Variants in CENPK observed in about 807,000 individuals in gnomAD.
CENPK encodes the protein SoxLZ/Sox6-binding protein Solt.
Under a neutral mutation model 40.9 loss-of-function variants are expected in CENPK, and 46 were observed. The observed-to-expected ratio is 1.13, with a 90% confidence interval of 0.89 to 1.44. CENPK has a LOEUF of 1.44. Ranked by LOEUF, CENPK falls within the 40% of genes most tolerant of loss-of-function variation. CENPK has a pLI of 0.00. For missense variants in CENPK, 288 were observed against 303.5 expected, an observed-to-expected ratio of 0.95 and a Z score of 0.38; for synonymous variants, 107 against 104.4, an observed-to-expected ratio of 1.02 and a Z score of -0.15.
chr5:65,550,775 A>G (rs893507819), intron 5 of CENPK: 2 of 152,334 alleles, frequency 1.3e-5, no homozygotes, highest in African/African-American at 4.8e-5. Flanking sequence ...TTAAAAAAAA[A>G]AGATGTACTA....
At chr5:65,544,065 T>C (rs1424689159) in intron 5 of CENPK, among the ~76,000 whole-genome samples, 1 of 152,224 alleles carries the variant, frequency 6.6e-6, no homozygotes, top group Non-Finnish European at 1.5e-5. Flanking sequence ...CAAAGGTATC[T>C]GCTATTCTAG....
chr5:65,546,835 G>A (rs1454803001), intron 5 of CENPK, among the ~76,000 whole-genome samples: 1 of 152,130 alleles, frequency 6.6e-6, no homozygotes, highest in Non-Finnish European at 1.5e-5. Context: ...GTATCTTCCA[G>A]AATTGTGAGA....
rs778744562 is a variant in CENPK at position 65,554,913 on chromosome 5, T to A, written c.-6A>T. ...TCTAGATCCTCCTGATTCATTGATATATGCTTTGTGAATTTTTAGCCTTAT... is the reference window on the plus strand; with the variant it reads ...TCTAGATCCTCCTGATTCATTGATAAATGCTTTGTGAATTTTTAGCCTTAT... On this transcript the variant is annotated 5_prime_UTR_variant, in exon 3 of 11. Coordinates refer to ENST00000396679, the MANE Select transcript of CENPK (RefSeq NM_022145.5). 3 of 1,503,072 alleles carry A rather than the reference T, an allele frequency of 2.0e-6. No individual in the cohort carries two copies. The highest frequency in any genetic ancestry group is 1.2e-5 in the South Asian group (1 of 86,548). 93.1% of individuals were successfully genotyped at this position (1,503,072 alleles called of 1,614,324 possible).
intron 4 of CENPK, 40 bp downstream of exon 4, chr5:65,552,453 C>A: frequency 1.5e-6 from 2 of 1,296,312 alleles, no homozygotes; most frequent in Non-Finnish European, 2.1e-6. Flanking sequence ...ACAATTAATT[C>A]CACTTACCTT....
rs141677844 is a variant in CENPK at position 65,555,990 on chromosome 5, G to A, written c.-39-1044C>T. Among the ~76,000 whole-genome samples, 228 of 152,260 alleles carry A rather than the reference G, an allele frequency of 1.5e-3. 1 individual carries two copies. The highest frequency in any genetic ancestry group is 2.9e-3 in the Non-Finnish European group (195 of 68,012). ...AGATAAGACTTACACACTACATAATGACATTTTGGTCAATCACAGACTGCA... is the reference window on the plus strand; with the variant it reads ...AGATAAGACTTACACACTACATAATAACATTTTGGTCAATCACAGACTGCA... On this transcript the variant is annotated intron_variant, in intron 2 of 10. Coordinates refer to ENST00000396679, the MANE Select transcript of CENPK (RefSeq NM_022145.5).
intron 2 of CENPK, among the ~76,000 whole-genome samples, chr5:65,558,165 C>A (rs1159972317): frequency 6.6e-6 from 1 of 151,752 alleles, no homozygotes; most frequent in Non-Finnish European, 1.5e-5. Context: ...CACACACACA[C>A]ATTTTTTTTT....
At chr5:65,544,252 A>T (rs958429248) in intron 5 of CENPK, among the ~76,000 whole-genome samples, 1 of 152,228 alleles carries the variant, frequency 6.6e-6, no homozygotes. Flanking sequence ...TTCAACCTCT[A>T]TAAGAAGCTC....
Position 65,551,625 on chromosome 5 carries a change from T to C in CENPK, c.180A>G (p.Leu60=). Residue 60 remains leucine, a synonymous_variant, in exon 5 of 11, where the codon TTA becomes TTG. Transcript: ENST00000396679. ...LTDSNAQLSL[L]IMQVKCLTAE... ...CGGTTAAACATTTTACTTGCATAAT[T>C]AACAATGATAGCTACAAAAGAAGAA... The C allele has an allele frequency of 1.3e-6, 2 of 1,562,320 alleles. No homozygotes were observed. The highest frequency in any genetic ancestry group is 1.7e-6 in the Non-Finnish European group (2 of 1,145,274).
At chr5:65,563,070 A>AT in intron 1 of CENPK, 28 bp downstream of exon 1, 1 of 435,936 alleles carries the variant, frequency 2.3e-6, no homozygotes, top group Middle Eastern at 6.6e-4. Context: ...TTCAACCGTT[A>AT]TATCAACCTC....
chr5:65,505,905 G>C, the CENPK span, among the ~76,000 whole-genome samples: 6 of 152,036 alleles, frequency 3.9e-5, no homozygotes, highest in African/African-American at 1.4e-4. Context: ...TTACCTCTTA[G>C]TCTTTCTGGG....
chr5:65,514,334 G>A (rs1196367830), downstream of CENPK, among the ~76,000 whole-genome samples: 1 of 135,024 alleles, frequency 7.4e-6, no homozygotes, highest in African/African-American at 2.8e-5. Flanking sequence ...TGCAGTCTCA[G>A]CTCACTGCAA....
chr5:65,561,542 T>C lies in CENPK; in HGVS notation c.-119A>G, dbSNP rs1445804221. On this transcript the variant is annotated 5_prime_UTR_variant, in exon 2 of 11. Coordinates refer to ENST00000396679, the MANE Select transcript of CENPK (RefSeq NM_022145.5). ...GAACCAGAAAATGATGGCACCCAGA[T>C]CTTGAATCTCCAGCCTCTAGACCTG... is the stretch of plus-strand genomic sequence containing the variant. 23 of 455,818 alleles carry C rather than the reference T, an allele frequency of 5.0e-5. No homozygotes were observed. In the Admixed American group the frequency reaches 5.4e-4, roughly 11 times the overall value. The allele number at this position is 455,818 out of a possible 1,614,324, so 28.2% of individuals were successfully genotyped here.
rs779363914 is a variant in CENPK, at chr5:65,542,804, CTT to C, written c.284_285del (p.Glu95GlyfsTer10). 8 of 1,607,770 alleles carry C rather than the reference CTT, an allele frequency of 5.0e-6. No individual in the cohort carries two copies. In the South Asian group the frequency reaches 8.9e-5, roughly 18 times the overall value. On this transcript the variant is annotated frameshift_variant, in exon 6 of 11. Transcript: ENST00000396679. LOFTEE classifies it high-confidence loss of function. ...TEDVLITLGK[E>X]EFQKLRQDLE... Reference sequence around the variant, plus strand: ...TACAAATTCATTGAGTGGCTTACCTCTTCTTTTCCTAATGTTATGAGAACGTC... The same window carrying C: ...TACAAATTCATTGAGTGGCTTACCTCCTTTTCCTAATGTTATGAGAACGTC...
At chr5:65,517,458 A>G (rs1299755804), downstream of CENPK, among the ~76,000 whole-genome samples, 2 of 152,126 alleles carry the variant, frequency 1.3e-5, no homozygotes, top group Non-Finnish European at 2.9e-5. Flanking sequence ...CTCCCCTAAA[A>G]GAGTTACGTT....
intron 3 of CENPK, 52 bp downstream of exon 3, chr5:65,554,745 G>T: frequency 2.1e-6 from 2 of 941,206 alleles, no homozygotes; most frequent in Non-Finnish European, 3.4e-6. Flanking sequence ...ATTTATTATT[G>T]AAGTTGATTT....
At chr5:65,499,731 A>G in the CENPK span, among the ~76,000 whole-genome samples, 3 of 118,484 alleles carry the variant, frequency 2.5e-5, no homozygotes, top group South Asian at 9.1e-4. Context: ...GGTTAGTTAC[A>G]TATGTATACA....
chr5:65,551,960 ATTTTTT>A (rs369700253), intron 4 of CENPK, among the ~76,000 whole-genome samples: 1 of 125,306 alleles, frequency 8.0e-6, no homozygotes, highest in African/African-American at 2.9e-5. Flanking sequence ...CCTTTGTTCT[ATTTTTT>A]TTTTTTTTTT....
intron 6 of CENPK, among the ~76,000 whole-genome samples, chr5:65,538,671 A>G (rs1747396454): frequency 6.6e-6 from 1 of 152,178 alleles, no homozygotes; most frequent in Admixed American, 6.6e-5. Flanking sequence ...GATGGAGGGA[A>G]CTAGCAGTAC....
chr5:65,526,526 G>C (rs1033995012), intron 9 of CENPK, among the ~76,000 whole-genome samples: 1 of 152,158 alleles, frequency 6.6e-6, no homozygotes, highest in Non-Finnish European at 1.5e-5. Flanking sequence ...TATGAACTGA[G>C]AAGGTTCTAT....
Sources: gnomAD v4.1 joint callset for allele counts (sites outside exome capture counted in the v4.1 genomes callset) on GRCh38, gnomAD v4.1.1 for gene constraint, MANE v1.5 for transcripts, NCBI Gene and HGNC (gene_info 2026-07-23, HGNC 2026-07-21) for gene names.